OAT: variants seen among roughly 807,000 people sequenced by gnomAD.
OAT encodes the protein ornithine aminotransferase, also known as ornithine aminotransferase, mitochondrial.
A neutral mutation model predicts 48.4 loss-of-function variants in OAT; 35 were observed. That is an observed-to-expected ratio of 0.72 (90% confidence interval 0.55 to 0.96). The LOEUF (loss-of-function observed/expected upper bound fraction) is 0.96, where lower values mean the gene tolerates loss of function less well. OAT is among the 40% of genes least tolerant of loss of function. The pLI is 0.00. For missense variants in OAT, 438 were observed against 537.9 expected (o/e 0.81, Z 1.84); for synonymous variants, 182 against 198.4 (o/e 0.92, Z 0.70).
intron 1 of OAT, among the ~76,000 whole-genome samples, chr10:124,412,884 C>G (rs942011111): frequency 6.6e-6 from 1 of 152,158 alleles, no homozygotes; most frequent in Admixed American, 6.6e-5. Context: ...TTGTTAAGCA[C>G]CTACCACAGT....
chr10:124,408,013 C>A (rs1951631746), intron 4 of OAT, among the ~76,000 whole-genome samples: 1 of 152,028 alleles, frequency 6.6e-6, no homozygotes, highest in Admixed American at 6.6e-5. Flanking sequence ...CAGCACCCAA[C>A]ACAAACCCTC....
intron 4 of OAT, among the ~76,000 whole-genome samples, chr10:124,406,480 G>A (rs529615620): frequency 6.6e-6 from 1 of 151,502 alleles, no homozygotes; most frequent in Non-Finnish European, 1.5e-5. Flanking sequence ...GACAGAGCAA[G>A]ACTGTCTCAA....
chr10:124,403,153 T>C, intron 6 of OAT, 98 bp from the exon 7 acceptor site: 2 of 1,346,784 alleles, frequency 1.5e-6, no homozygotes, highest in Non-Finnish European at 2.1e-6. Context: ...ACAATAAATG[T>C]GTAATTCTGA....
chr10:124,413,006 C>G (rs1032661993), intron 1 of OAT, among the ~76,000 whole-genome samples: 2 of 152,108 alleles, frequency 1.3e-5, no homozygotes, highest in African/African-American at 4.8e-5. Flanking sequence ...GGGCAGGAGA[C>G]AGAGGAACTG....
chr10:124,403,132 T>C (rs534471616), intron 6 of OAT, 77 bp from the exon 7 acceptor site: 2 of 1,490,352 alleles, frequency 1.3e-6, no homozygotes, highest in African/African-American at 1.4e-5. Context: ...TATTTCACTG[T>C]CCCCCCACCA....
chr10:124,400,002 CA>C (rs1222554207), intron 9 of OAT, among the ~76,000 whole-genome samples: 1 of 152,170 alleles, frequency 6.6e-6, no homozygotes, highest in Non-Finnish European at 1.5e-5. Context: ...CTTAAAGGAA[CA>C]AGGGTCAAAT....
intron 4 of OAT, among the ~76,000 whole-genome samples, chr10:124,406,326 A>C (rs1951575615): frequency 6.6e-6 from 1 of 151,728 alleles, no homozygotes; most frequent in African/African-American, 2.4e-5. Context: ...CCCCATCTCT[A>C]CTAAAAATAC....
chr10:124,416,995 A>G (rs1428269294), intron 1 of OAT, among the ~76,000 whole-genome samples: 1 of 152,214 alleles, frequency 6.6e-6, no homozygotes, highest in Non-Finnish European at 1.5e-5. Context: ...GACCGGGGTC[A>G]ACTACAGCAC....
intron 9 of OAT, among the ~76,000 whole-genome samples, chr10:124,399,583 G>A (rs1481648171): frequency 1.3e-5 from 2 of 151,982 alleles, no homozygotes; most frequent in Admixed American, 1.3e-4. Context: ...CTAACCTCGT[G>A]ATCCACCCGT....
chr10:124,405,341 T>G lies in OAT; in HGVS notation c.648+95A>C, dbSNP rs138032632. 2.5e-4 allele frequency: 393 copies of G among 1,563,844 alleles called. 1 individual carries two copies. The African/African-American group carries it at 4.3e-3, about 17-fold the overall frequency. On this transcript the variant is annotated intron_variant, in intron 5 of 9. Transcript: ENST00000368845. ...TGGCTTAACTTAAGTGAGATAAATT[T>G]GCATTACTGTCATATAATGTACTTT...
intron 1 of OAT, among the ~76,000 whole-genome samples, chr10:124,412,739 T>G (rs1186223328): frequency 1.3e-5 from 2 of 151,696 alleles, no homozygotes; most frequent in African/African-American, 2.4e-5. Context: ...AGCCCAAGAG[T>G]TTGAGGCCAG....
chr10:124,398,453 G>A (rs1282832171), intron 9 of OAT, among the ~76,000 whole-genome samples: 3 of 151,748 alleles, frequency 2.0e-5, no homozygotes, highest in Non-Finnish European at 4.4e-5. Context: ...GCTGCAGTGA[G>A]CGGAGATCGC....
At chr10:124,412,238 C>A in intron 1 of OAT, 38 bp from the exon 2 acceptor site, 1 of 1,473,974 alleles carries the variant, frequency 6.8e-7, no homozygotes, top group Non-Finnish European at 9.4e-7. Flanking sequence ...GAGTGAGAAT[C>A]CTTGGCTTAT....
intron 8 of OAT, 78 bp from the exon 9 acceptor site, chr10:124,401,062 A>C: frequency 2.1e-6 from 2 of 960,032 alleles, no homozygotes; most frequent in Non-Finnish European, 3.2e-6. Flanking sequence ...GACTGTAAAC[A>C]CAGGAAAAAC....
chr10:124,407,962 G>A (rs888050278), intron 4 of OAT, among the ~76,000 whole-genome samples: 29 of 151,958 alleles, frequency 1.9e-4, no homozygotes, highest in African/African-American at 6.8e-4. Context: ...TCAAACCACA[G>A]TCTATGTAGG....
At chr10:124,406,118 C>T (rs1178318390) in intron 4 of OAT, 13 of 984,878 alleles carry the variant, frequency 1.3e-5, no homozygotes, top group African/African-American at 3.5e-5. Flanking sequence ...AAATGACAGA[C>T]GTCTCCCTTT....
intron 8 of OAT, among the ~76,000 whole-genome samples, chr10:124,401,264 A>G (rs1951399468): frequency 6.6e-6 from 1 of 152,260 alleles, no homozygotes; most frequent in Non-Finnish European, 1.5e-5. Context: ...GAATACATCA[A>G]TGGACGAAAT....
chr10:124,406,613 C>A (rs1016612343), intron 4 of OAT, among the ~76,000 whole-genome samples: 1 of 151,878 alleles, frequency 6.6e-6, no homozygotes, highest in Non-Finnish European at 1.5e-5. Flanking sequence ...GTCAGGAGTT[C>A]AAGACCAGCC....
chr10:124,414,764 T>C (rs138949605), intron 1 of OAT, among the ~76,000 whole-genome samples: 1 of 152,198 alleles, frequency 6.6e-6, no homozygotes, highest in African/African-American at 2.4e-5. Flanking sequence ...ACTCAGGCAA[T>C]ACTTAGTGGT....
Sources: allele counts gnomAD v4.1 joint callset (sites outside exome capture counted in the v4.1 genomes callset), GRCh38; gene constraint gnomAD v4.1.1; transcripts MANE v1.5; gene names NCBI Gene and HGNC (gene_info 2026-07-23, HGNC 2026-07-21).